CNOT4: variants seen among roughly 807,000 people sequenced by gnomAD.
The protein encoded by CNOT4 is CCR4-associated factor 4.
CNOT4 carries 8 observed loss-of-function variants against 73.8 expected under a neutral mutation model. That is an observed-to-expected ratio of 0.11 (90% CI 0.06 to 0.20). CNOT4 has a LOEUF of 0.20. Among genes scored for constraint, CNOT4 ranks in the 10% least tolerant of loss-of-function variants. The probability of loss-of-function intolerance (pLI) is 1.00; values close to 1 mark genes in which losing one functional copy is unlikely to be tolerated. For synonymous variants in CNOT4, 293 were observed against 321.1 expected (o/e 0.91, Z 0.94); for missense variants, 564 against 883.4 (o/e 0.64, Z 4.58).
At chr7:135,421,845 T>C (rs1798211865) in intron 3 of CNOT4, among the ~76,000 whole-genome samples, 1 of 152,208 alleles carries the variant, frequency 6.6e-6, no homozygotes, top group Admixed American at 6.5e-5. Flanking sequence ...AGTATTCATA[T>C]CACATGTTAG....
chr7:135,439,182 T>A (rs1047268122), intron 1 of CNOT4, among the ~76,000 whole-genome samples: 4 of 152,196 alleles, frequency 2.6e-5, no homozygotes, highest in African/African-American at 9.7e-5. Context: ...ACTGTTAGAT[T>A]AAAAGGTTAG....
chr7:135,422,593 G>T (rs1440715715), intron 2 of CNOT4, among the ~76,000 whole-genome samples: 1 of 151,994 alleles, frequency 6.6e-6, no homozygotes, highest in Non-Finnish European at 1.5e-5. Context: ...AACATCTACG[G>T]TTTAAAGGCA....
At chr7:135,397,995 A>G (rs1290934566) in intron 8 of CNOT4, among the ~76,000 whole-genome samples, 174 bp downstream of exon 8, 1 of 152,122 alleles carries the variant, frequency 6.6e-6, no homozygotes, top group Admixed American at 6.6e-5. Flanking sequence ...GGGTTAAACT[A>G]TGCTCTATAT....
intron 10 of CNOT4, among the ~76,000 whole-genome samples, chr7:135,379,470 T>C (rs1795716442): frequency 1.3e-5 from 2 of 152,106 alleles, no homozygotes; most frequent in Non-Finnish European, 2.9e-5. Context: ...AGGAAAAAAT[T>C]AGTAAATGTT....
intron 1 of CNOT4, among the ~76,000 whole-genome samples, chr7:135,494,285 C>G (rs1324135730): frequency 2.0e-5 from 3 of 151,880 alleles, no homozygotes; most frequent in Admixed American, 1.3e-4. Context: ...GCCTGGCCAA[C>G]ATGGTGAAAC....
At chr7:135,424,937 T>C (rs1394031572) in intron 2 of CNOT4, among the ~76,000 whole-genome samples, 1 of 152,250 alleles carries the variant, frequency 6.6e-6, no homozygotes, top group Non-Finnish European at 1.5e-5. Context: ...CAAAGTATAG[T>C]TGACGCACTG....
At chr7:135,398,763 C>T (rs948967983) in intron 7 of CNOT4, among the ~76,000 whole-genome samples, 1 of 151,952 alleles carries the variant, frequency 6.6e-6, no homozygotes, top group African/African-American at 2.4e-5. Context: ...GTCTAACCTA[C>T]CATTTATTTT....
Position 135,385,797 on chromosome 7 carries a change from C to G in CNOT4, c.1627+8121G>C, listed in dbSNP as rs1796091683. ...CCTGTGATTAAAATATTATCAAGAC[C>G]TGACAGAAATAATGTGAAATATAAT... On this transcript the variant is annotated intron_variant, in intron 10 of 11. Coordinates refer to ENST00000541284, the MANE Select transcript of CNOT4 (RefSeq NM_001190850.2). Among the ~76,000 whole-genome samples, 3 of 152,118 alleles carry G rather than the reference C, an allele frequency of 2.0e-5. No individual in the cohort carries two copies. The South Asian group carries it at 6.2e-4, about 32-fold the overall frequency.
chr7:135,424,729 C>T (rs1798397367), intron 2 of CNOT4, among the ~76,000 whole-genome samples: 1 of 152,086 alleles, frequency 6.6e-6, no homozygotes, highest in Non-Finnish European at 1.5e-5. Flanking sequence ...GCAGAGGTTG[C>T]AGTGAGCTGA....
intron 1 of CNOT4, among the ~76,000 whole-genome samples, chr7:135,473,851 A>G (rs1321714447): frequency 6.6e-6 from 1 of 152,224 alleles, no homozygotes; most frequent in African/African-American, 2.4e-5. Context: ...CTAGAAGGAC[A>G]TAAGACAAAG....
intron 1 of CNOT4, among the ~76,000 whole-genome samples, chr7:135,479,185 CTATTAGAACCAAATTTT>C (rs1172152481): frequency 6.7e-6 from 1 of 148,186 alleles, no homozygotes; most frequent in Non-Finnish European, 1.5e-5. Context: ...TCACCAAAGC[CTATTAGAACCAAATTTT>C]TTTTTTTTTT....
At chr7:135,409,544 G>T (rs1408158192) in intron 7 of CNOT4, among the ~76,000 whole-genome samples, 1 of 151,712 alleles carries the variant, frequency 6.6e-6, no homozygotes, top group Admixed American at 6.6e-5. Context: ...TGAAGAAATG[G>T]ACTCAAACAA....
At chr7:135,493,789 T>G (rs960392168) in intron 1 of CNOT4, among the ~76,000 whole-genome samples, 4 of 152,206 alleles carry the variant, frequency 2.6e-5, no homozygotes, top group South Asian at 2.1e-4. Context: ...TGGGGAATCA[T>G]GCTTTTGGTC....
intron 1 of CNOT4, among the ~76,000 whole-genome samples, chr7:135,499,357 T>A (rs1466536148): frequency 1.3e-5 from 2 of 151,890 alleles, no homozygotes; most frequent in Non-Finnish European, 2.9e-5. Flanking sequence ...TAGGCAAAAA[T>A]CCACAGCAGC....
chr7:135,489,736 A>G (rs973092148), intron 1 of CNOT4, among the ~76,000 whole-genome samples: 4 of 152,134 alleles, frequency 2.6e-5, no homozygotes, highest in Non-Finnish European at 5.9e-5. Context: ...CCATATGGCT[A>G]GTGGGTACCA....
In CNOT4 at chr7:135,406,754, TC is replaced by T. The variant is rs113081765; in HGVS notation, c.821+3760del. Among the ~76,000 whole-genome samples the T allele has an allele frequency of 2.6e-5, 4 of 152,226 alleles. 1 individual carries two copies. The highest frequency in any genetic ancestry group is 9.6e-5 in the African/African-American group (4 of 41,536). Reference sequence around the variant, plus strand: ...ACTTGTTTTATATTTCCTCTTTTCCTCCTGTTTCCCCCTTTACAACTTGTGG... The same window carrying T: ...ACTTGTTTTATATTTCCTCTTTTCCTCTGTTTCCCCCTTTACAACTTGTGG... On this transcript the variant is annotated intron_variant, in intron 7 of 11. Transcript: ENST00000541284.
At position 135,498,231 on chromosome 7, in the gene CNOT4, C is replaced by T. The variant is rs117647722; in HGVS notation, c.-93+11658G>A. Among the ~76,000 whole-genome samples the T allele has an allele frequency of 3.1e-3, 476 of 152,312 alleles. 3 individuals are homozygous for T. The highest frequency in any genetic ancestry group is 5.3e-3 in the Non-Finnish European group (360 of 68,020). ...AGTTCAAAACTGAAACTGAAAACTA[C>T]ATTCGACTATAAAAAGTTATGTATA... is the stretch of plus-strand genomic sequence containing the variant. On this transcript the variant is annotated intron_variant, in intron 1 of 11. Transcript: ENST00000541284.
rs1585535491 is a variant in CNOT4 at position 135,364,481 on chromosome 7, T to C, written c.1628-415A>G. Among the ~76,000 whole-genome samples the C allele has an allele frequency of 6.6e-6, 1 of 152,328 alleles. No homozygotes were observed. Among genetic ancestry groups the C allele is most frequent in the Non-Finnish European group, 1.5e-5 (1 of 68,028 alleles). On this transcript the variant is annotated intron_variant, in intron 10 of 11. Transcript: ENST00000541284. The surrounding 1 kb of genome is among the most constrained non-coding windows in gnomAD (Gnocchi z 4.3). ...GCAAAGTCCAATATAGGAGCTTATT[T>C]CTCAGCCCACAAATGGAAGAAAAGT...
intron 1 of CNOT4, among the ~76,000 whole-genome samples, chr7:135,474,192 C>A: frequency 6.6e-6 from 1 of 150,858 alleles, no homozygotes; most frequent in East Asian, 1.9e-4. Context: ...CTTGGCCAGG[C>A]TGGTCTTGAA....
Sources: gnomAD v4.1 joint callset for allele counts (sites outside exome capture counted in the v4.1 genomes callset) on GRCh38, gnomAD v4.1.1 for gene constraint, Gnocchi (gnomAD v3.1) non-coding constraint, MANE v1.5 for transcripts, NCBI Gene and HGNC (gene_info 2026-07-23, HGNC 2026-07-21) for gene names.